CENPS: variants seen among roughly 807,000 people sequenced by gnomAD.
CENPS encodes the protein centromere protein S.
A neutral mutation model predicts 17.9 loss-of-function variants in CENPS; 16 were observed. That is an observed-to-expected ratio of 0.90 (90% CI 0.61 to 1.36). The LOEUF is 1.36. Among genes scored for constraint, CENPS ranks in the 40% most tolerant of loss-of-function variants. The probability of loss-of-function intolerance (pLI) is 0.00; values close to 1 mark genes in which losing one functional copy is unlikely to be tolerated. For synonymous variants in CENPS, 49 were observed against 55.8 expected (o/e 0.88, Z 0.54); for missense variants, 160 against 158.6 (o/e 1.01, Z -0.05).
At chr1:10,440,488 T>C (rs1162182366) in intron 4 of CENPS, 75 bp downstream of exon 4, 1 of 1,576,104 alleles carries the variant, frequency 6.3e-7, no homozygotes, top group Non-Finnish European at 8.6e-7. Flanking sequence ...CTTGAAGCCA[T>C]GAAGTTATTC....
chr1:10,437,255 A>C lies in CENPS; in HGVS notation c.209+2565A>C, dbSNP rs1032169877. Among the ~76,000 whole-genome samples the C allele has an allele frequency of 7.2e-5, 11 of 152,222 alleles. No individual in the cohort carries two copies. In the South Asian group the frequency reaches 2.3e-3, roughly 32 times the overall value. ...ACTGCAACCTAGAGCTCCTGGGCTC[A>C]AGTGATCCTCCCACCTTGGCCTCCC... On this transcript the variant is annotated intron_variant, in intron 3 of 4. Transcript: ENST00000309048.
chr1:10,432,956 CCCT>C (rs1024504186), intron 1 of CENPS, among the ~76,000 whole-genome samples: 2 of 152,168 alleles, frequency 1.3e-5, no homozygotes, highest in African/African-American at 4.8e-5. Flanking sequence ...AAAGTAGATG[CCCT>C]CCTCATCTGT....
chr1:10,441,860 C>T (rs942679107), intron 4 of CENPS, among the ~76,000 whole-genome samples: 7 of 149,038 alleles, frequency 4.7e-5, no homozygotes, highest in African/African-American at 1.5e-4. Flanking sequence ...CTCCTGAGCT[C>T]GTGATCTGTC....
intron 1 of CENPS, among the ~76,000 whole-genome samples, chr1:10,431,721 G>A (rs1176457861): frequency 6.6e-6 from 1 of 152,036 alleles, no homozygotes; most frequent in Non-Finnish European, 1.5e-5. Flanking sequence ...GAGTGTGGTG[G>A]CAGGTGCCTG....
At chr1:10,436,271 G>T (rs1327886511) in intron 3 of CENPS, among the ~76,000 whole-genome samples, 2 of 151,610 alleles carry the variant, frequency 1.3e-5, no homozygotes, top group Non-Finnish European at 2.9e-5. Flanking sequence ...GAGCCACCGC[G>T]CCCGGCAAAC....
At chr1:10,437,736 C>CT (rs1640231413) in intron 3 of CENPS, among the ~76,000 whole-genome samples, 1 of 143,844 alleles carries the variant, frequency 7.0e-6, no homozygotes, top group African/African-American at 2.6e-5. Context: ...AGATTACTGG[C>CT]ATGAGCCACT....
chr1:10,435,819 CTG>C (rs1411821644), intron 3 of CENPS, among the ~76,000 whole-genome samples: 10 of 151,892 alleles, frequency 6.6e-5, no homozygotes, highest in African/African-American at 2.4e-4. Flanking sequence ...TCAAGCAATC[CTG>C]CCTTGGGCTC....
At chr1:10,440,598 A>G (rs150130497) in intron 4 of CENPS, among the ~76,000 whole-genome samples, 185 bp downstream of exon 4, 2 of 152,318 alleles carry the variant, frequency 1.3e-5, no homozygotes, top group African/African-American at 4.8e-5. Context: ...TGCTAAGCCA[A>G]TTTGAAATTT....
intron 3 of CENPS, among the ~76,000 whole-genome samples, chr1:10,439,680 G>A (rs1640324945): frequency 6.6e-6 from 1 of 152,114 alleles, no homozygotes; most frequent in African/African-American, 2.4e-5. Context: ...GGCGGAGGTT[G>A]CAGTGAGCCA....
At chr1:10,434,829 T>C (rs1640076061) in intron 3 of CENPS, 139 bp downstream of exon 3, 1 of 1,238,934 alleles carries the variant, frequency 8.1e-7, no homozygotes, top group Admixed American at 3.1e-5. Flanking sequence ...ATCATGGTTC[T>C]GCAAGAACAT....
At chr1:10,437,854 G>A (rs1760666) in intron 3 of CENPS, among the ~76,000 whole-genome samples, 72,856 of 146,412 alleles carry the variant, frequency 0.5, 17,859 homozygotes, top group South Asian at 0.59. Context: ...CTTCTGCCTT[G>A]CGGATTCAAG....
chr1:10,431,717 G>A (rs900450363), intron 1 of CENPS, among the ~76,000 whole-genome samples: 11 of 152,040 alleles, frequency 7.2e-5, no homozygotes, highest in African/African-American at 2.4e-4. Flanking sequence ...AGCCGAGTGT[G>A]GTGGCAGGTG....
chr1:10,435,079 G>A (rs929818849), intron 3 of CENPS, among the ~76,000 whole-genome samples: 2 of 152,186 alleles, frequency 1.3e-5, no homozygotes, highest in Admixed American at 6.5e-5. Flanking sequence ...GAGCTGCAGC[G>A]TGTCCACGGT....
At chr1:10,440,323 G>A (rs1640352667) in intron 3 of CENPS, 24 bp from the exon 4 acceptor site, 1 of 1,610,238 alleles carries the variant, frequency 6.2e-7, no homozygotes, top group Non-Finnish European at 8.5e-7. Context: ...ACATTTTGGT[G>A]ACTTGCTTCT....
At chr1:10,438,139 T>C (rs1640252297) in intron 3 of CENPS, among the ~76,000 whole-genome samples, 1 of 151,916 alleles carries the variant, frequency 6.6e-6, no homozygotes, top group East Asian at 1.9e-4. Context: ...GAATTTTTGT[T>C]TTGTTTTGTT....
At chr1:10,436,088 C>T (rs561189492) in intron 3 of CENPS, among the ~76,000 whole-genome samples, 8 of 151,696 alleles carry the variant, frequency 5.3e-5, no homozygotes, top group East Asian at 3.9e-4. Context: ...AGTGATTCTC[C>T]TGCCTCAGCC....
In CENPS at chr1:10,430,704, GGC is replaced by G. The variant is rs1639866109; in HGVS notation, c.51+137_51+138del. 1.5e-4 allele frequency: 55 copies of G among 369,308 alleles called. No individual in the cohort carries two copies. The Middle Eastern group carries it at 2.6e-3, about 18-fold the overall frequency. 22.9% of individuals were successfully genotyped at this position (369,308 alleles called of 1,614,324 possible). Reference sequence around the variant, plus strand: ...CGCCCCCCGCGGCTGCGCATGCGTTGGCTTAACTGCCGCGGGTGGTGCTGGGA... The same window carrying G: ...CGCCCCCCGCGGCTGCGCATGCGTTGTTAACTGCCGCGGGTGGTGCTGGGA... On this transcript the variant is annotated intron_variant, in intron 1 of 4. Transcript: ENST00000309048.
intron 3 of CENPS, among the ~76,000 whole-genome samples, chr1:10,435,023 G>C (rs982154553): frequency 6.6e-6 from 1 of 152,242 alleles, no homozygotes; most frequent in African/African-American, 2.4e-5. Context: ...TGATTGCTCA[G>C]GGTTTGAGAA....
chr1:10,441,453 T>A (rs1336629992), intron 4 of CENPS, among the ~76,000 whole-genome samples: 1 of 151,092 alleles, frequency 6.6e-6, no homozygotes, highest in Admixed American at 6.6e-5. Flanking sequence ...TAGCTGGGAC[T>A]ACAGGTGCAT....
Sources: gnomAD v4.1 joint callset for allele counts (sites outside exome capture counted in the v4.1 genomes callset) on GRCh38, gnomAD v4.1.1 for gene constraint, MANE v1.5 for transcripts, NCBI Gene and HGNC (gene_info 2026-07-23, HGNC 2026-07-21) for gene names.